Variants in RBFOX1 observed in about 807,000 individuals in gnomAD.
RBFOX1 encodes RNA binding fox-1 homolog 1, also known as RNA binding protein fox-1 homolog 1.
Under a neutral mutation model 57.7 loss-of-function variants are expected in RBFOX1, and 8 were observed. The observed-to-expected ratio is 0.14, with a 90% confidence interval of 0.08 to 0.25. The LOEUF (loss-of-function observed/expected upper bound fraction) is 0.25. RBFOX1 is among the 10% of genes least tolerant of loss of function. The pLI is 1.00. For missense variants in RBFOX1, 611 were observed against 548.5 expected (o/e 1.11, Z -1.14); for synonymous variants, 326 against 222.4 (o/e 1.47, Z -4.15).
At chr16:5,749,200 C>T (rs1323469833) in intron 3 of RBFOX1, among the ~76,000 whole-genome samples, 2 of 152,092 alleles carry the variant, frequency 1.3e-5, no homozygotes, top group Admixed American at 6.5e-5. Flanking sequence ...GCCCCCACCC[C>T]CTTTTGGTTT....
At chr16:7,263,247 G>A (rs1411030037) in intron 4 of RBFOX1, among the ~76,000 whole-genome samples, 2 of 152,140 alleles carry the variant, frequency 1.3e-5, no homozygotes, top group Non-Finnish European at 2.9e-5. Flanking sequence ...AAGGTACTAG[G>A]CACACATCCT....
intron 2 of RBFOX1, among the ~76,000 whole-genome samples, chr16:5,479,818 C>T (rs113292892): frequency 0.013 from 1,901 of 151,842 alleles, 47 homozygotes; most frequent in African/African-American, 0.043. Context: ...GGTGGTCAGA[C>T]GTGTCCTTGG....
At chr16:5,799,261 C>T (rs909605034) in intron 3 of RBFOX1, among the ~76,000 whole-genome samples, 1 of 152,072 alleles carries the variant, frequency 6.6e-6, no homozygotes, top group Admixed American at 6.6e-5. Context: ...CCCCATGACT[C>T]ATTTATCTCC....
intron 1 of RBFOX1, among the ~76,000 whole-genome samples, chr16:6,193,240 A>C (rs1306690856): frequency 6.6e-6 from 1 of 151,060 alleles, no homozygotes; most frequent in Admixed American, 6.6e-5. Flanking sequence ...CTTGCTGGCA[A>C]CAGCTGATTA....
At chr16:5,368,107 A>G (rs976630201) in intron 1 of RBFOX1, among the ~76,000 whole-genome samples, 1 of 152,222 alleles carries the variant, frequency 6.6e-6, no homozygotes, top group African/African-American at 2.4e-5. Context: ...GATTTGTCAT[A>G]AATGTATGAT....
At chr16:5,478,166 C>G (rs773643977) in intron 2 of RBFOX1, among the ~76,000 whole-genome samples, 19 of 152,276 alleles carry the variant, frequency 1.2e-4, no homozygotes, top group Non-Finnish European at 2.1e-4. Flanking sequence ...TGGGGCTCAG[C>G]TTGGCGGAGT....
chr16:6,971,747 G>A (rs906429711), intron 3 of RBFOX1, among the ~76,000 whole-genome samples: 3 of 152,048 alleles, frequency 2.0e-5, no homozygotes, highest in Admixed American at 1.3e-4. Flanking sequence ...TGGGGACATC[G>A]TGGAGATGTC....
intron 1 of RBFOX1, among the ~76,000 whole-genome samples, chr16:5,261,842 A>G (rs1567249207): frequency 2.0e-5 from 3 of 152,098 alleles, no homozygotes; most frequent in East Asian, 3.9e-4. Context: ...GAGCCACCGT[A>G]TAAGCCCAGC....
intron 1 of RBFOX1, among the ~76,000 whole-genome samples, chr16:6,209,193 G>C (rs2097275592): frequency 6.6e-6 from 1 of 152,144 alleles, no homozygotes; most frequent in South Asian, 2.1e-4. Flanking sequence ...AGTTTGGTTG[G>C]TGTGAAGCTG....
chr16:7,198,233 C>G (rs1198396782), intron 4 of RBFOX1, among the ~76,000 whole-genome samples: 1 of 152,032 alleles, frequency 6.6e-6, no homozygotes, highest in African/African-American at 2.4e-5. Flanking sequence ...TTTCAATCTC[C>G]TAACGTCGTG....
intron 2 of RBFOX1, among the ~76,000 whole-genome samples, chr16:5,576,490 G>C (rs1404861421): frequency 6.6e-6 from 1 of 152,048 alleles, no homozygotes; most frequent in Non-Finnish European, 1.5e-5. Flanking sequence ...TTTTTCATCT[G>C]TGTGTATTGC....
intron 3 of RBFOX1, among the ~76,000 whole-genome samples, chr16:5,784,056 C>T (rs553432740): frequency 6.6e-6 from 1 of 152,110 alleles, no homozygotes; most frequent in Non-Finnish European, 1.5e-5. Flanking sequence ...GCAGGCTGTA[C>T]GGGAAGCATA....
intron 1 of RBFOX1, among the ~76,000 whole-genome samples, chr16:5,299,072 C>A (rs887919416): frequency 2.0e-5 from 3 of 149,142 alleles, no homozygotes; most frequent in African/African-American, 7.4e-5. Flanking sequence ...TCTTTCATAG[C>A]CCTTTCACAC....
At chr16:6,658,459 A>C (rs1360413164) in intron 3 of RBFOX1, among the ~76,000 whole-genome samples, 1 of 152,024 alleles carries the variant, frequency 6.6e-6, no homozygotes, top group African/African-American at 2.4e-5. Context: ...CGCCTGCTTC[A>C]GCCTCCCAAA....
chr16:5,240,235 G>A (rs934423956), intron 1 of RBFOX1: 8 of 674,292 alleles, frequency 1.2e-5, no homozygotes, highest in African/African-American at 7.3e-5. Context: ...CAACTCCGGC[G>A]GGCGCGGAGT....
At chr16:7,314,094 G>C (rs4360957) in intron 4 of RBFOX1, among the ~76,000 whole-genome samples, 113,244 of 151,796 alleles carry the variant, frequency 0.75, 42,348 homozygotes, top group East Asian at 0.93. Context: ...AAACCATGAG[G>C]CTTTTGGACT....
intron 1 of RBFOX1, among the ~76,000 whole-genome samples, chr16:5,424,707 G>A (rs2067460772): frequency 1.3e-5 from 2 of 151,976 alleles, no homozygotes; most frequent in South Asian, 2.1e-4. Flanking sequence ...GAGGGCGCAC[G>A]TGTGGGTTTG....
intron 1 of RBFOX1, among the ~76,000 whole-genome samples, chr16:5,253,311 A>G (rs1596311348): frequency 2.0e-5 from 3 of 151,970 alleles, no homozygotes; most frequent in Admixed American, 2.0e-4. Flanking sequence ...AACCACACCC[A>G]GCTAATTTTT....
intron 3 of RBFOX1, among the ~76,000 whole-genome samples, chr16:5,859,012 C>T (rs2057143104): frequency 6.6e-6 from 1 of 152,152 alleles, no homozygotes; most frequent in Non-Finnish European, 1.5e-5. Flanking sequence ...ATCAGGAGTT[C>T]AAGCCTGCAT....
Sources: allele counts gnomAD v4.1 joint callset (sites outside exome capture counted in the v4.1 genomes callset), GRCh38; gene constraint gnomAD v4.1.1; transcripts MANE v1.5; gene names NCBI Gene and HGNC (gene_info 2026-07-23, HGNC 2026-07-21).